RBFOX1: variants seen among roughly 807,000 people sequenced by gnomAD.
RBFOX1 encodes RNA binding fox-1 homolog 1, also known as RNA binding protein fox-1 homolog 1.
In RBFOX1, 8 loss-of-function variants were observed where a neutral mutation model predicts 57.7. That is an observed-to-expected ratio of 0.14 (90% CI 0.08 to 0.25). The LOEUF (loss-of-function observed/expected upper bound fraction) is 0.25, where lower values mean the gene tolerates loss of function less well. Ranked by LOEUF, RBFOX1 falls within the 10% of genes least tolerant of loss-of-function variation. RBFOX1 has a pLI of 1.00. For missense variants in RBFOX1, 611 were observed against 548.5 expected (o/e 1.11, Z -1.14); for synonymous variants, 326 against 222.4 (o/e 1.47, Z -4.15).
At chr16:7,616,174 C>A (rs573406567) in intron 10 of RBFOX1, among the ~76,000 whole-genome samples, 2 of 152,326 alleles carry the variant, frequency 1.3e-5, no homozygotes, top group Admixed American at 6.5e-5. Flanking sequence ...AAGGCTGTTA[C>A]ACTCACAGTT....
Position 7,123,171 on chromosome 16 carries a change from C to T in RBFOX1, c.27+71073C>T, listed in dbSNP as rs192314544. 2.9e-4 allele frequency among the ~76,000 whole-genome samples: 44 copies of T among 152,234 alleles called. No homozygotes were observed. In the East Asian group the frequency reaches 8.1e-3, roughly 28 times the overall value. On this transcript the variant is annotated intron_variant, in intron 4 of 15. Coordinates refer to ENST00000550418, the MANE Select transcript of RBFOX1 (RefSeq NM_018723.4). ...TTATGTTAACATTTATGAAATTGTA[C>T]ATCCAAACTTTCAAATTTATGGTAT...
chr16:7,265,124 CTCTGT>C (rs535702196), intron 4 of RBFOX1, among the ~76,000 whole-genome samples: 1 of 152,368 alleles, frequency 6.6e-6, no homozygotes, highest in Admixed American at 6.5e-5. Context: ...AAAGACTAGA[CTCTGT>C]TCTGCGCACT....
At chr16:6,041,498 A>C (rs1457665111) in intron 1 of RBFOX1, among the ~76,000 whole-genome samples, 2 of 152,032 alleles carry the variant, frequency 1.3e-5, no homozygotes, top group African/African-American at 4.8e-5. Context: ...CAACCCTTAC[A>C]CTAATGCCAT....
At chr16:6,867,922 T>C (rs1036276831) in intron 3 of RBFOX1, among the ~76,000 whole-genome samples, 4 of 152,126 alleles carry the variant, frequency 2.6e-5, no homozygotes, top group African/African-American at 9.7e-5. Flanking sequence ...TAATCAAATA[T>C]AGAAGCCAAG....
At chr16:7,361,366 T>C (rs2097316080) in intron 4 of RBFOX1, among the ~76,000 whole-genome samples, 1 of 152,242 alleles carries the variant, frequency 6.6e-6, no homozygotes. Context: ...AGCAGATGTT[T>C]GCTCTTGGGG....
At chr16:5,246,662 A>C (rs1005780300) in intron 1 of RBFOX1, among the ~76,000 whole-genome samples, 4 of 147,348 alleles carry the variant, frequency 2.7e-5, no homozygotes, top group African/African-American at 5.0e-5. Context: ...AAACTTTTTA[A>C]TTTTCTTTTT....
upstream of RBFOX1, among the ~76,000 whole-genome samples, chr16:6,017,849 C>G (rs2095005788): frequency 6.6e-6 from 1 of 152,114 alleles, no homozygotes; most frequent in South Asian, 2.1e-4. Flanking sequence ...CATCACATGG[C>G]CCCCTGTTTT....
At chr16:6,048,339 AT>A (rs780447933) in intron 1 of RBFOX1, among the ~76,000 whole-genome samples, 8 of 152,302 alleles carry the variant, frequency 5.3e-5, no homozygotes, top group East Asian at 1.9e-4. Context: ...GTGCTTCTGC[AT>A]TATCTATAAT....
intron 4 of RBFOX1, among the ~76,000 whole-genome samples, chr16:5,949,404 T>C (rs973569815): frequency 6.6e-6 from 1 of 151,346 alleles, no homozygotes; most frequent in Non-Finnish European, 1.5e-5. Context: ...TGGGCGCCTG[T>C]AGTCCCAGCT....
rs150912688 is a variant in RBFOX1, at chr16:7,048,025, C to G, written c.-15-4032C>G. On this transcript the variant is annotated intron_variant, in intron 3 of 15. Coordinates refer to ENST00000550418, the MANE Select transcript of RBFOX1 (RefSeq NM_018723.4). ...GTCTGAGTAGCTGGGAATAAAGGTGCCTGCCACAACGCCTGGCTAATTTTT... is the reference window on the plus strand; with the variant it reads ...GTCTGAGTAGCTGGGAATAAAGGTGGCTGCCACAACGCCTGGCTAATTTTT... Among the ~76,000 whole-genome samples, 1,007 of 151,600 alleles carry G rather than the reference C, an allele frequency of 6.6e-3. 12 individuals are homozygous for G. The highest frequency in any genetic ancestry group is 0.023 in the African/African-American group (952 of 41,356).
intron 3 of RBFOX1, among the ~76,000 whole-genome samples, chr16:5,780,769 A>T (rs778604963): frequency 1.4e-4 from 22 of 152,196 alleles, no homozygotes; most frequent in Admixed American, 9.8e-4. Context: ...CTCCCGAGAG[A>T]AGCATGGGAC....
intron 1 of RBFOX1, among the ~76,000 whole-genome samples, chr16:5,443,155 G>A (rs2068136615): frequency 6.6e-6 from 1 of 152,138 alleles, no homozygotes; most frequent in South Asian, 2.1e-4. Context: ...AATTTCTGTT[G>A]TAAAGCAACA....
rs762502330 is a variant in RBFOX1, at chr16:6,085,431, CCCAGCTAATTT to C, written c.-127+65440_-127+65450del. On this transcript the variant is annotated intron_variant, in intron 1 of 15. Transcript: ENST00000550418. ...GGGAGTACAGGTATGCGCCGCTATG[CCCAGCTAATTT>C]TGTATTTTTATAGAGAGGGGGTTTC... is the stretch of plus-strand genomic sequence containing the variant. Among the ~76,000 whole-genome samples, 55 of 152,276 alleles carry C rather than the reference CCCAGCTAATTT, an allele frequency of 3.6e-4. 1 individual carries two copies. The highest frequency in any genetic ancestry group is 2.7e-3 in the South Asian group (13 of 4,824).
intron 4 of RBFOX1, among the ~76,000 whole-genome samples, chr16:7,353,590 C>G (rs1468478632): frequency 2.0e-5 from 3 of 152,006 alleles, no homozygotes; most frequent in African/African-American, 7.3e-5. Context: ...TGGATAAACA[C>G]GAGATGATAT....
intron 1 of RBFOX1, among the ~76,000 whole-genome samples, chr16:6,201,460 G>A (rs2097214685): frequency 6.6e-6 from 1 of 152,106 alleles, no homozygotes; most frequent in African/African-American, 2.4e-5. Context: ...ATCCTGGCCA[G>A]TATTCATTAT....
intron 3 of RBFOX1, among the ~76,000 whole-genome samples, chr16:5,728,663 C>T (rs776409492): frequency 1.4e-4 from 22 of 152,230 alleles, no homozygotes; most frequent in Non-Finnish European, 2.6e-4. Context: ...CCGTAGGTCA[C>T]TCTGAGAATA....
At chr16:6,252,785 C>T (rs750884007) in intron 1 of RBFOX1, among the ~76,000 whole-genome samples, 42 of 152,230 alleles carry the variant, frequency 2.8e-4, no homozygotes, top group Non-Finnish European at 4.0e-4. Flanking sequence ...TTAAATTCTG[C>T]GTAGGGAATT....
chr16:6,795,782 A>C (rs533818995), intron 3 of RBFOX1, among the ~76,000 whole-genome samples: 54 of 151,932 alleles, frequency 3.6e-4, no homozygotes, highest in Non-Finnish European at 5.9e-5. Flanking sequence ...AAAAATGAAA[A>C]AAAAAAAAAG....
At chr16:7,020,827 C>G (rs2038791152) in intron 3 of RBFOX1, among the ~76,000 whole-genome samples, 1 of 152,114 alleles carries the variant, frequency 6.6e-6, no homozygotes, top group South Asian at 2.1e-4. Flanking sequence ...TAAGTGAGCA[C>G]TTAAGAATTT....
Sources: gnomAD v4.1 joint callset for allele counts (sites outside exome capture counted in the v4.1 genomes callset) on GRCh38, gnomAD v4.1.1 for gene constraint, MANE v1.5 for transcripts, NCBI Gene and HGNC (gene_info 2026-07-23, HGNC 2026-07-21) for gene names.